The following LTBP1 variants were observed in gnomAD, a reference collection of about 807,000 sequenced individuals.
LTBP1 encodes the protein latent transforming growth factor beta binding protein 1, also known as latent-transforming growth factor beta-binding protein 1.
Under a neutral mutation model 207.6 loss-of-function variants are expected in LTBP1, and 129 were observed. That is an observed-to-expected ratio of 0.62 (90% CI 0.54 to 0.72). The LOEUF is 0.72. Ranked by LOEUF, LTBP1 falls within the 30% of genes least tolerant of loss-of-function variation. The probability of loss-of-function intolerance (pLI) is 0.00; values close to 1 mark genes in which losing one functional copy is unlikely to be tolerated. For missense variants in LTBP1, 2,281 were observed against 2,217.2 expected (o/e 1.03, Z -0.58); for synonymous variants, 963 against 833.7 (o/e 1.16, Z -2.67).
At chr2:33,054,349 C>G (rs1026109850) in intron 3 of LTBP1, among the ~76,000 whole-genome samples, 1 of 152,136 alleles carries the variant, frequency 6.6e-6, no homozygotes, top group African/African-American at 2.4e-5. Flanking sequence ...AGGGATATTG[C>G]CTTTGATAAG....
intron 5 of LTBP1, among the ~76,000 whole-genome samples, chr2:33,154,788 C>T (rs188688317): frequency 6.8e-4 from 104 of 152,230 alleles, no homozygotes; most frequent in Admixed American, 1.5e-3. Context: ...CTAGGCCGGG[C>T]GCGGTGGTTC....
At chr2:33,383,192 A>G (rs1410098618) in intron 31 of LTBP1, among the ~76,000 whole-genome samples, 1 of 152,186 alleles carries the variant, frequency 6.6e-6, no homozygotes, top group Non-Finnish European at 1.5e-5. Context: ...CGTCTCTACT[A>G]AAAATATAAA....
chr2:33,260,524 A>G (rs1454529274), intron 13 of LTBP1, among the ~76,000 whole-genome samples: 1 of 152,204 alleles, frequency 6.6e-6, no homozygotes, highest in African/African-American at 2.4e-5. Flanking sequence ...GTTATTTTAA[A>G]TAGTATTCTA....
chr2:33,018,417 A>G (rs1398534699), intron 2 of LTBP1, among the ~76,000 whole-genome samples: 1 of 152,190 alleles, frequency 6.6e-6, no homozygotes, highest in East Asian at 1.9e-4. Flanking sequence ...CTCAGATGTT[A>G]AAAAGAAACA....
At chr2:33,310,358 A>G (rs185788309) in intron 23 of LTBP1, among the ~76,000 whole-genome samples, 9 of 152,338 alleles carry the variant, frequency 5.9e-5, no homozygotes, top group Non-Finnish European at 8.8e-5. Flanking sequence ...TCCAAACTGT[A>G]CAGTGCATGA....
At chr2:33,268,901 C>G (rs961257295) in intron 15 of LTBP1, among the ~76,000 whole-genome samples, 4 of 152,136 alleles carry the variant, frequency 2.6e-5, no homozygotes, top group Non-Finnish European at 4.4e-5. Flanking sequence ...TTGTGGAAAC[C>G]TCTGTAATTA....
intron 5 of LTBP1, among the ~76,000 whole-genome samples, chr2:33,184,332 G>T (rs1200328805): frequency 2.0e-5 from 3 of 152,148 alleles, no homozygotes; most frequent in South Asian, 2.1e-4. Flanking sequence ...AACTTTCTTT[G>T]TCTAACACAA....
intron 5 of LTBP1, among the ~76,000 whole-genome samples, chr2:33,150,774 A>G (rs1393876483): frequency 8.6e-6 from 1 of 116,094 alleles, no homozygotes; most frequent in Non-Finnish European, 1.6e-5. Flanking sequence ...GCTGGAGTGC[A>G]GTGGCAACCT....
At chr2:33,329,062 A>AG (rs2094463715) in intron 24 of LTBP1, among the ~76,000 whole-genome samples, 1 of 152,184 alleles carries the variant, frequency 6.6e-6, no homozygotes, top group African/African-American at 2.4e-5. Context: ...TCTGGGTCAT[A>AG]AAATGTATGT....
At chr2:33,266,326 T>C (rs1421127266) in intron 15 of LTBP1, among the ~76,000 whole-genome samples, 1 of 152,154 alleles carries the variant, frequency 6.6e-6, no homozygotes, top group Non-Finnish European at 1.5e-5. Context: ...GGTAGCTCAG[T>C]GTGGGCTTGC....
intron 5 of LTBP1, among the ~76,000 whole-genome samples, chr2:33,166,775 T>C (rs1376115172): frequency 6.6e-6 from 1 of 152,248 alleles, no homozygotes; most frequent in Non-Finnish European, 1.5e-5. Flanking sequence ...CATACCAAGT[T>C]ATTTAAGTTA....
At chr2:33,222,195 T>C in intron 9 of LTBP1, 44 bp downstream of exon 9, 1 of 1,467,024 alleles carries the variant, frequency 6.8e-7, no homozygotes, top group Non-Finnish European at 9.6e-7. Context: ...ACAGTTGTTT[T>C]GGCTTTTTAG....
chr2:33,263,275 C>T lies in LTBP1; in HGVS notation c.2519-19C>T. The T allele has an allele frequency of 6.7e-7, 1 of 1,499,570 alleles. No individual in the cohort carries two copies. The highest frequency in any genetic ancestry group is 9.3e-7 in the Non-Finnish European group (1 of 1,077,374). 92.9% of individuals were successfully genotyped at this position (1,499,570 alleles called of 1,614,324 possible). On this transcript the variant is annotated intron_variant, in intron 14 of 33. Coordinates refer to ENST00000404816, the MANE Select transcript of LTBP1 (RefSeq NM_206943.4). ...TAACGGGCTTTAATTTTCTTTTTAT[C>T]CTCTGCTTCCTCATATAGTAGTGAT...
chr2:33,344,371 G>A (rs978766995), intron 25 of LTBP1, among the ~76,000 whole-genome samples: 3 of 152,188 alleles, frequency 2.0e-5, no homozygotes, highest in Non-Finnish European at 4.4e-5. Context: ...GTTGGGTCTT[G>A]TGATGTGGCC....
intron 24 of LTBP1, chr2:33,332,959 G>C (rs1291143211): frequency 3.9e-5 from 6 of 152,124 alleles, no homozygotes; most frequent in African/African-American, 1.2e-4. Flanking sequence ...AGCAGGGTCG[G>C]GCCTCATTAG....
At chr2:33,094,879 G>A (rs145959103) in intron 3 of LTBP1, among the ~76,000 whole-genome samples, 259 of 152,164 alleles carry the variant, frequency 1.7e-3, no homozygotes, top group African/African-American at 5.8e-3. Context: ...TTCCTCTAAC[G>A]AGAATATATT....
intron 3 of LTBP1, among the ~76,000 whole-genome samples, chr2:33,043,677 G>A (rs558379841): frequency 1.3e-5 from 2 of 152,256 alleles, no homozygotes; most frequent in East Asian, 3.9e-4. Flanking sequence ...GTAGAAGAAG[G>A]AATTTGGCTG....
intron 10 of LTBP1, among the ~76,000 whole-genome samples, chr2:33,247,321 T>C (rs901164695): frequency 6.6e-6 from 1 of 152,264 alleles, no homozygotes; most frequent in Non-Finnish European, 1.5e-5. Context: ...GCTTATCTTA[T>C]ACATTGGGAA....
chr2:33,386,935 A>G (rs903814047), intron 31 of LTBP1, among the ~76,000 whole-genome samples: 7 of 148,392 alleles, frequency 4.7e-5, no homozygotes, highest in Non-Finnish European at 7.4e-5. Flanking sequence ...GGTTCAAGCG[A>G]TTCTCCTGCC....
Sources: allele counts gnomAD v4.1 joint callset (sites outside exome capture counted in the v4.1 genomes callset), GRCh38; gene constraint gnomAD v4.1.1; transcripts MANE v1.5; gene names NCBI Gene and HGNC (gene_info 2026-07-23, HGNC 2026-07-21).